ATP8A2: variants seen among roughly 807,000 people sequenced by gnomAD.
ATP8A2 encodes the protein phospholipid-transporting ATPase IB.
A neutral mutation model predicts 165.6 loss-of-function variants in ATP8A2; 100 were observed. That is an observed-to-expected ratio of 0.60 (90% CI 0.51 to 0.71). The LOEUF (loss-of-function observed/expected upper bound fraction) is 0.71. Among genes scored for constraint, ATP8A2 ranks in the 30% least tolerant of loss-of-function variants. The pLI, the probability that ATP8A2 is intolerant of heterozygous loss-of-function variation, is 0.00. For synonymous variants in ATP8A2, 543 were observed against 548.8 expected, an observed-to-expected ratio of 0.99 and a Z score of 0.15; for missense variants, 1,227 against 1,479.5, an observed-to-expected ratio of 0.83 and a Z score of 2.80.
At chr13:25,585,528 G>C (rs1362676130) in intron 23 of ATP8A2, among the ~76,000 whole-genome samples, 3 of 151,848 alleles carry the variant, frequency 2.0e-5, no homozygotes, top group African/African-American at 7.3e-5. Context: ...CACCCTCCCT[G>C]CATTTTGTTA....
At chr13:25,723,773 C>T (rs1021033742) in intron 25 of ATP8A2, among the ~76,000 whole-genome samples, 17 of 151,678 alleles carry the variant, frequency 1.1e-4, no homozygotes, top group Admixed American at 6.6e-4. Context: ...CCACGTAACC[C>T]CCGAGACTGC....
intron 24 of ATP8A2, among the ~76,000 whole-genome samples, chr13:25,684,231 G>A (rs1245555954): frequency 6.6e-6 from 1 of 152,250 alleles, no homozygotes; most frequent in Non-Finnish European, 1.5e-5. Context: ...AACAGTCCTA[G>A]TAGTGAATGA....
intron 24 of ATP8A2, among the ~76,000 whole-genome samples, chr13:25,597,846 A>G (rs973796789): frequency 6.6e-6 from 1 of 151,984 alleles, no homozygotes; most frequent in Non-Finnish European, 1.5e-5. Context: ...TTGAAGAGCC[A>G]GAAGTTTTTT....
intron 4 of ATP8A2, among the ~76,000 whole-genome samples, chr13:25,531,134 T>A (rs1214561294): frequency 1.3e-5 from 1 of 77,772 alleles, no homozygotes; most frequent in Non-Finnish European, 2.8e-5. Context: ...TTTGTGTGTG[T>A]GTGTATATAT....
At chr13:25,477,539 G>A (rs1437109023) in intron 2 of ATP8A2, among the ~76,000 whole-genome samples, 1 of 152,182 alleles carries the variant, frequency 6.6e-6, no homozygotes, top group African/African-American at 2.4e-5. Context: ...TGTTACTTTC[G>A]TAGTTTTGAC....
At chr13:25,474,391 C>G (rs182451861) in intron 2 of ATP8A2, among the ~76,000 whole-genome samples, 19 of 152,104 alleles carry the variant, frequency 1.2e-4, no homozygotes, top group Non-Finnish European at 2.6e-4. Flanking sequence ...GAAACCCCGT[C>G]TCTACTAAAA....
At chr13:25,782,801 G>A (rs1194439755) in intron 27 of ATP8A2, among the ~76,000 whole-genome samples, 6 of 152,248 alleles carry the variant, frequency 3.9e-5, no homozygotes, top group Admixed American at 3.3e-4. Context: ...GTGCAATGGC[G>A]TGATCTCGAC....
At chr13:25,868,292 A>G (rs946132642) in intron 33 of ATP8A2, among the ~76,000 whole-genome samples, 2 of 152,250 alleles carry the variant, frequency 1.3e-5, no homozygotes, top group African/African-American at 4.8e-5. Context: ...GAAAACACTG[A>G]ATGAGCATAT....
At chr13:25,639,607 T>C (rs570562129) in intron 24 of ATP8A2, among the ~76,000 whole-genome samples, 14 of 152,246 alleles carry the variant, frequency 9.2e-5, no homozygotes, top group Non-Finnish European at 1.6e-4. Context: ...ATAAAGCAAG[T>C]CCTTAGAGAA....
intron 24 of ATP8A2, among the ~76,000 whole-genome samples, chr13:25,690,865 T>C (rs953335774): frequency 6.7e-6 from 1 of 149,542 alleles, no homozygotes; most frequent in African/African-American, 2.5e-5. Context: ...AAGAGTAATA[T>C]AAACGTAAGT....
chr13:25,557,856 C>A (rs904195300), intron 13 of ATP8A2, among the ~76,000 whole-genome samples: 1 of 151,830 alleles, frequency 6.6e-6, no homozygotes, highest in Non-Finnish European at 1.5e-5. Flanking sequence ...ATTTAGTAGG[C>A]AAAGTGATAG....
At chr13:25,499,684 G>C (rs777739822) in intron 2 of ATP8A2, among the ~76,000 whole-genome samples, 18 of 152,154 alleles carry the variant, frequency 1.2e-4, no homozygotes, top group East Asian at 5.8e-4. Context: ...CCAAACACAC[G>C]TACTGGTTCT....
At chr13:25,496,248 A>G (rs2137670096) in intron 2 of ATP8A2, among the ~76,000 whole-genome samples, 1 of 152,206 alleles carries the variant, frequency 6.6e-6, no homozygotes, top group Admixed American at 6.5e-5. Flanking sequence ...GAGAAAAAGG[A>G]TTGGGAGCAT....
intron 35 of ATP8A2, among the ~76,000 whole-genome samples, chr13:26,001,906 C>T (rs1956637298): frequency 6.6e-6 from 1 of 152,134 alleles, no homozygotes; most frequent in South Asian, 2.1e-4. Flanking sequence ...TATTTTGTTA[C>T]TTGCATTTGG....
chr13:25,595,205 G>T (rs941087068), intron 24 of ATP8A2, among the ~76,000 whole-genome samples: 5 of 152,106 alleles, frequency 3.3e-5, no homozygotes, highest in Non-Finnish European at 7.4e-5. Context: ...TAAACCAAAG[G>T]TTATTGTTAT....
intron 24 of ATP8A2, among the ~76,000 whole-genome samples, chr13:25,665,336 T>TA (rs1384141516): frequency 6.6e-6 from 1 of 152,200 alleles, no homozygotes; most frequent in African/African-American, 2.4e-5. Flanking sequence ...CACACACCTG[T>TA]AGTCCCAGCT....
intron 33 of ATP8A2, among the ~76,000 whole-genome samples, chr13:25,870,431 C>G (rs567763308): frequency 1.3e-5 from 2 of 152,334 alleles, no homozygotes; most frequent in East Asian, 3.9e-4. Flanking sequence ...ATGCCCTTCC[C>G]CCATTCTGTA....
chr13:25,758,034 T>C (rs1203308397), intron 25 of ATP8A2, among the ~76,000 whole-genome samples: 1 of 152,150 alleles, frequency 6.6e-6, no homozygotes, highest in Non-Finnish European at 1.5e-5. Context: ...GCTGTTAACC[T>C]CCAAAAGGAG....
intron 1 of ATP8A2, among the ~76,000 whole-genome samples, chr13:25,440,097 C>T (rs906941561): frequency 2.6e-5 from 4 of 151,682 alleles, no homozygotes; most frequent in Admixed American, 6.6e-5. Flanking sequence ...CTAGTGTTGG[C>T]GTAACTTAAT....
Sources: allele counts gnomAD v4.1 joint callset (sites outside exome capture counted in the v4.1 genomes callset), GRCh38; gene constraint gnomAD v4.1.1; transcripts MANE v1.5; gene names NCBI Gene and HGNC (gene_info 2026-07-23, HGNC 2026-07-21).